The following ZMYM2 variants were observed in gnomAD, a reference collection of about 807,000 sequenced individuals.
ZMYM2 encodes zinc finger MYM-type containing 2, also known as zinc finger MYM-type protein 2.
A neutral mutation model predicts 162.8 loss-of-function variants in ZMYM2; 56 were observed. The ratio of observed to expected loss-of-function variants is 0.34; its 90% CI spans 0.28 to 0.43. The LOEUF (loss-of-function observed/expected upper bound fraction) is 0.43. Among genes scored for constraint, ZMYM2 ranks in the 20% least tolerant of loss-of-function variants. ZMYM2 has a pLI of 1.00. For synonymous variants in ZMYM2, 510 were observed against 541.6 expected (o/e 0.94, Z 0.81); for missense variants, 1,275 against 1,621.8 (o/e 0.79, Z 3.67).
In ZMYM2 at chr13:20,008,737, C is replaced by CT. The variant is rs768463916; in HGVS notation, c.1512+2160dup. ...ATAAGTAAGATTGGTCTGTAATGTC[C>CT]TTTTTTTTTGTGCATTCTTTAAGGT... is the stretch of plus-strand genomic sequence containing the variant. On this transcript the variant is annotated intron_variant, in intron 6 of 24. Coordinates refer to ENST00000610343, the MANE Select transcript of ZMYM2 (RefSeq NM_197968.4). Among the ~76,000 whole-genome samples, 19 of 151,140 alleles carry CT rather than the reference C, an allele frequency of 1.3e-4. No homozygotes were observed. The East Asian group carries it at 1.6e-3, about 12-fold the overall frequency.
chr13:20,063,248 T>TA (rs1956365845), intron 18 of ZMYM2, among the ~76,000 whole-genome samples: 1 of 149,948 alleles, frequency 6.7e-6, no homozygotes, highest in African/African-American at 2.5e-5. Context: ...ACTAAAAATA[T>TA]AAAAATTAGC....
chr13:19,915,689 A>G, the ZMYM2 span, among the ~76,000 whole-genome samples: 1 of 149,974 alleles, frequency 6.7e-6, no homozygotes, highest in Admixed American at 6.7e-5. Flanking sequence ...TTTTTAGTAG[A>G]GACAGAGTTT....
chr13:19,936,161 T>C, the ZMYM2 span, among the ~76,000 whole-genome samples: 1 of 152,188 alleles, frequency 6.6e-6, no homozygotes, highest in African/African-American at 2.4e-5. Flanking sequence ...ACCTTTTCTA[T>C]AATACTATTT....
intron 1 of ZMYM2, among the ~76,000 whole-genome samples, chr13:19,959,097 G>A (rs923327855): frequency 3.3e-5 from 5 of 151,002 alleles, no homozygotes; most frequent in Admixed American, 1.3e-4. Context: ...CGTGCGGCCC[G>A]AGGGGCTGGG....
At chr13:20,024,953 A>C (rs1257924289) in intron 7 of ZMYM2, 1 of 215,352 alleles carries the variant, frequency 4.6e-6, no homozygotes, top group South Asian at 1.9e-4. Flanking sequence ...GATAATGAAC[A>C]TGCATTCCTG....
chr13:20,008,646 T>C (rs2140009778), intron 6 of ZMYM2, among the ~76,000 whole-genome samples: 1 of 152,356 alleles, frequency 6.6e-6, no homozygotes, highest in East Asian at 1.9e-4. Flanking sequence ...CAGATAATTA[T>C]TTTTTCAAAA....
rs139554178 is a variant in ZMYM2, at chr13:19,991,706, C to T, written c.-10-1357C>T. On this transcript the variant is annotated intron_variant, in intron 2 of 24. Coordinates refer to ENST00000610343, the MANE Select transcript of ZMYM2 (RefSeq NM_197968.4). ...AGTGCAAGGGCACAATCATGGCTGACATCAGCCTCAAACTCCCGGCCTCAG... is the reference window on the plus strand; with the variant it reads ...AGTGCAAGGGCACAATCATGGCTGATATCAGCCTCAAACTCCCGGCCTCAG... 5.3e-4 allele frequency among the ~76,000 whole-genome samples: 80 copies of T among 149,702 alleles called. 1 individual carries two copies. In the East Asian group the frequency reaches 0.015, roughly 28 times the overall value.
At chr13:19,985,003 A>G (rs1393842109) in intron 2 of ZMYM2, among the ~76,000 whole-genome samples, 1 of 152,242 alleles carries the variant, frequency 6.6e-6, no homozygotes, top group Non-Finnish European at 1.5e-5. Context: ...TTAAAAGCCT[A>G]CACATTTTAT....
At chr13:20,002,568 A>C (rs1267151729) in intron 3 of ZMYM2, among the ~76,000 whole-genome samples, 1 of 152,178 alleles carries the variant, frequency 6.6e-6, no homozygotes, top group Non-Finnish European at 1.5e-5. Context: ...GTAGATATAC[A>C]TTGTGGGAAT....
At chr13:19,956,036 T>C (rs915131531), upstream of ZMYM2, among the ~76,000 whole-genome samples, 1 of 152,246 alleles carries the variant, frequency 6.6e-6, no homozygotes, top group Admixed American at 6.5e-5. Flanking sequence ...TAAGGTATGC[T>C]GTTCAGAGGT....
chr13:20,000,000 G>A (rs886316713), intron 3 of ZMYM2, among the ~76,000 whole-genome samples: 8 of 152,136 alleles, frequency 5.3e-5, no homozygotes, highest in African/African-American at 1.7e-4. Flanking sequence ...ACAGGGTTTC[G>A]CTATGTTGCC....
intron 12 of ZMYM2, among the ~76,000 whole-genome samples, chr13:20,050,118 A>G (rs1368443464): frequency 6.6e-6 from 1 of 151,968 alleles, no homozygotes; most frequent in East Asian, 1.9e-4. Context: ...TAAAATTTGG[A>G]TTCACAAGTT....
chr13:20,011,380 A>G (rs75717619), intron 6 of ZMYM2, among the ~76,000 whole-genome samples: 7,096 of 152,242 alleles, frequency 0.047, 480 homozygotes, highest in African/African-American at 0.15. Context: ...CCAAAATGCA[A>G]AATGCTTCAA....
At chr13:20,020,891 G>T (rs1952025315) in intron 7 of ZMYM2, among the ~76,000 whole-genome samples, 1 of 151,204 alleles carries the variant, frequency 6.6e-6, no homozygotes, top group Admixed American at 6.6e-5. Flanking sequence ...TCTATTTCCT[G>T]CCTAATTATG....
intron 21 of ZMYM2, among the ~76,000 whole-genome samples, chr13:20,071,648 A>G (rs1957095273): frequency 6.6e-6 from 1 of 152,118 alleles, no homozygotes; most frequent in Non-Finnish European, 1.5e-5. Context: ...GGCAGAAGGG[A>G]GAGGATTGTA....
At chr13:19,942,853 A>G in the ZMYM2 span, among the ~76,000 whole-genome samples, 1 of 152,194 alleles carries the variant, frequency 6.6e-6, no homozygotes, top group Non-Finnish European at 1.5e-5. Flanking sequence ...TGGTTAACAA[A>G]TAAATAGACA....
chr13:20,058,356 T>C (rs535430928), intron 14 of ZMYM2, among the ~76,000 whole-genome samples: 27 of 152,212 alleles, frequency 1.8e-4, no homozygotes, highest in Non-Finnish European at 3.4e-4. Context: ...TATAAATCTA[T>C]AGAATGAATA....
At chr13:19,917,872 A>G in the ZMYM2 span, among the ~76,000 whole-genome samples, 2 of 152,206 alleles carry the variant, frequency 1.3e-5, no homozygotes, top group South Asian at 4.1e-4. Flanking sequence ...CAGCCTGGCC[A>G]ATATAGTGAA....
At position 19,959,951 on chromosome 13, in the gene ZMYM2, A is replaced by G. The variant is rs1955009076; in HGVS notation, c.-79-7A>G. ...TGATACATTTTTCTTTTTTCCTCCT[A>G]TCCCAGGACCAAGAATCGCCTTCAG... On this transcript the variant is annotated splice_polypyrimidine_tract_variant and splice_region_variant and intron_variant, in intron 1 of 24. Coordinates refer to ENST00000610343, the MANE Select transcript of ZMYM2 (RefSeq NM_197968.4). 2 of 152,262 alleles carry G rather than the reference A, an allele frequency of 1.3e-5. No homozygotes were observed. Among genetic ancestry groups the G allele is most frequent in the South Asian group, 4.1e-4 (2 of 4,826 alleles). 9.4% of individuals were successfully genotyped at this position (152,262 alleles called of 1,614,324 possible).
Sources: allele counts gnomAD v4.1 joint callset (sites outside exome capture counted in the v4.1 genomes callset), GRCh38; gene constraint gnomAD v4.1.1; transcripts MANE v1.5; gene names NCBI Gene and HGNC (gene_info 2026-07-23, HGNC 2026-07-21).